SYNPO2: variants seen among roughly 807,000 people sequenced by gnomAD.
SYNPO2 encodes synaptopodin 2.
Under a neutral mutation model 85.0 loss-of-function variants are expected in SYNPO2, and 56 were observed. That is an observed-to-expected ratio of 0.66 (90% CI 0.53 to 0.82). The LOEUF is 0.82. SYNPO2 is among the 40% of genes least tolerant of loss of function. SYNPO2 has a pLI of 0.00. For synonymous variants in SYNPO2, 602 were observed against 591.1 expected (o/e 1.02, Z -0.27); for missense variants, 1,575 against 1,534.2 (o/e 1.03, Z -0.44).
In SYNPO2 at chr4:118,943,727, C is replaced by G. The variant is rs185341106; in HGVS notation, c.105+54586C>G. ...ATGAATAAGGAAAGTCATCCATACT[C>G]CCAATGCCATTTTCATAAAAATTGA... is the stretch of plus-strand genomic sequence containing the variant. On this transcript the variant is annotated intron_variant, in intron 1 of 4. Transcript: ENST00000307142. 1.7e-3 allele frequency among the ~76,000 whole-genome samples: 255 copies of G among 152,294 alleles called. 2 individuals carry two copies. The highest frequency in any genetic ancestry group is 5.8e-3 in the African/African-American group (240 of 41,540).
Position 119,030,557 on chromosome 4 carries a change from G to C in SYNPO2, c.1782G>C (p.Gly594=). 1 of 1,614,104 alleles carries C rather than the reference G, an allele frequency of 6.2e-7. No homozygotes were observed. Among genetic ancestry groups the C allele is most frequent in the Non-Finnish European group, 8.5e-7 (1 of 1,180,020 alleles). ...PMNRTAKPFP[G]SVNQPATPFS... is the part of the protein sequence containing the mutation. ...ATAGAACGGCCAAACCCTTCCCAGGGTCTGTGAATCAGCCAGCTACCCCCT... is the reference window on the plus strand; with the variant it reads ...ATAGAACGGCCAAACCCTTCCCAGGCTCTGTGAATCAGCCAGCTACCCCCT... Residue 594 remains glycine (G), a synonymous_variant, in exon 4 of 5, where the codon GGG becomes GGC. Coordinates refer to ENST00000307142, the MANE Select transcript of SYNPO2 (RefSeq NM_133477.3).
intron 1 of SYNPO2, among the ~76,000 whole-genome samples, chr4:118,856,826 T>C (rs1488812579): frequency 1.3e-5 from 2 of 152,182 alleles, no homozygotes; most frequent in East Asian, 3.8e-4. Flanking sequence ...TTAAAAATAG[T>C]GTTTCTTCTT....
At chr4:118,893,374 T>C (rs1732438187) in intron 1 of SYNPO2, among the ~76,000 whole-genome samples, 1 of 152,228 alleles carries the variant, frequency 6.6e-6, no homozygotes. Context: ...GCCCTTGCTA[T>C]GTGCCAGGAA....
intron 1 of SYNPO2, among the ~76,000 whole-genome samples, chr4:118,994,798 T>C (rs1736529652): frequency 6.6e-6 from 1 of 152,232 alleles, no homozygotes; most frequent in Non-Finnish European, 1.5e-5. Flanking sequence ...TCTTTGTTTC[T>C]AGTTTTTGGG....
chr4:118,934,152 G>T (rs1297521312), intron 1 of SYNPO2, among the ~76,000 whole-genome samples: 1 of 151,988 alleles, frequency 6.6e-6, no homozygotes, highest in Non-Finnish European at 1.5e-5. Flanking sequence ...CACATAATTG[G>T]ATAAGAATCA....
In SYNPO2 at chr4:119,035,152, G is replaced by A. The variant is rs184584519; in HGVS notation, c.3252+3125G>A. On this transcript the variant is annotated intron_variant, in intron 4 of 4. Transcript: ENST00000307142. Reference sequence around the variant, plus strand: ...CAGGCACTGGAATATAAATGAAAAAGGTCATTACAGTCACTGACTTTCTGC... The same window carrying A: ...CAGGCACTGGAATATAAATGAAAAAAGTCATTACAGTCACTGACTTTCTGC... 40 of 985,384 alleles carry A rather than the reference G, an allele frequency of 4.1e-5. No homozygotes were observed. In the East Asian group the frequency reaches 4.0e-3, roughly 98 times the overall value. The allele number at this position is 985,384 out of a possible 1,614,324, so 61.0% of individuals were successfully genotyped here. A position where few individuals can be genotyped will look rare whatever the true frequency, so the allele number is the denominator to read the frequency against.
At chr4:118,938,853 CTGTT>C (rs1233789103) in intron 1 of SYNPO2, among the ~76,000 whole-genome samples, 1 of 152,192 alleles carries the variant, frequency 6.6e-6, no homozygotes, top group East Asian at 1.9e-4. Context: ...ACAGAGCACT[CTGTT>C]TGGGCCTCTT....
chr4:118,912,494 T>C (rs1414338823), intron 1 of SYNPO2, among the ~76,000 whole-genome samples: 1 of 77,178 alleles, frequency 1.3e-5, no homozygotes, highest in African/African-American at 4.2e-5. Context: ...AGGAAAAAAT[T>C]GTTTAAAAAT....
rs1249286937 is a variant in SYNPO2, at chr4:119,023,541, A to G, written c.217A>G (p.Met73Val). Residue 73 changes from methionine (M) to valine (V), a missense_variant, in exon 2 of 5, where the codon ATG becomes GTG. Met to Val is a conservative substitution (Grantham distance 21). Coordinates refer to ENST00000307142, the MANE Select transcript of SYNPO2 (RefSeq NM_133477.3). Reference sequence around the variant, plus strand: ...CACCTACCCTGAAGTCATCAAGCTCATGGAAAGCATAACAGACTCTCTCCA... The same window carrying G: ...CACCTACCCTGAAGTCATCAAGCTCGTGGAAAGCATAACAGACTCTCTCCA... Reference protein sequence around the residue: ...DLTYPEVIKLMESITDSLQML... With the variant: ...DLTYPEVIKLVESITDSLQML... 6.2e-7 allele frequency: 1 copy of G among 1,613,706 alleles called. No individual in the cohort carries two copies. The highest frequency in any genetic ancestry group is 8.5e-7 in the Non-Finnish European group (1 of 1,179,806).
intron 1 of SYNPO2, among the ~76,000 whole-genome samples, chr4:118,945,868 C>G (rs1734481938): frequency 6.6e-6 from 1 of 152,080 alleles, no homozygotes; most frequent in South Asian, 2.1e-4. Flanking sequence ...GCCTCAGCCT[C>G]CCGAGTAGCT....
At chr4:118,995,572 T>C (rs2149170116) in intron 1 of SYNPO2, among the ~76,000 whole-genome samples, 1 of 152,346 alleles carries the variant, frequency 6.6e-6, no homozygotes, top group African/African-American at 2.4e-5. Context: ...ACTCAGGTTG[T>C]CTGATTCCAC....
intron 1 of SYNPO2, among the ~76,000 whole-genome samples, chr4:118,898,048 T>A (rs546561343): frequency 6.6e-6 from 1 of 152,350 alleles, no homozygotes. Flanking sequence ...TTCTGCTTTC[T>A]GAAGGATGAT....
Position 119,036,924 on chromosome 4 carries a change from C to T in SYNPO2, c.3252+4897C>T. ...AGGTTTGCCAGCCAATAAAGTGCAT[C>T]CCAAGTATACAGGGGAGAAAGCTAG... is the stretch of plus-strand genomic sequence containing the variant. On this transcript the variant is annotated intron_variant, in intron 4 of 4. Coordinates refer to ENST00000307142, the MANE Select transcript of SYNPO2 (RefSeq NM_133477.3). 2.5e-6 allele frequency: 3 copies of T among 1,198,678 alleles called. No homozygotes were observed. In the South Asian group the frequency reaches 1.2e-4, roughly 49 times the overall value. The allele number at this position is 1,198,678 out of a possible 1,614,324, so 74.3% of individuals were successfully genotyped here.
At chr4:119,044,158 T>G (rs900344223) in intron 4 of SYNPO2, among the ~76,000 whole-genome samples, 9 of 152,184 alleles carry the variant, frequency 5.9e-5, no homozygotes, top group African/African-American at 1.7e-4. Flanking sequence ...CTGCTTATTC[T>G]GAAGAAATGT....
At chr4:118,876,667 C>CTCTTTCTTTCTTTCTTTCTT (rs58409340) in intron 1 of SYNPO2, among the ~76,000 whole-genome samples, 1 of 112,092 alleles carries the variant, frequency 8.9e-6, no homozygotes, top group Admixed American at 9.9e-5. Flanking sequence ...TCCTTCCTTT[C>CTCTTTCTTTCTTTCTTTCTT]TCTTTCTTTC....
Position 118,985,344 on chromosome 4 carries a change from G to A in SYNPO2, c.106-38086G>A, listed in dbSNP as rs183595683. 2.8e-3 allele frequency among the ~76,000 whole-genome samples: 423 copies of A among 152,318 alleles called. 6 individuals carry two copies. Among genetic ancestry groups the A allele is most frequent in the African/African-American group, 9.3e-3 (385 of 41,578 alleles). Reference sequence around the variant, plus strand: ...TCGTGCTCCTGGAACATGATTTGCCGTCTGTCTCTCCTTTCAGAAGACAGC... The same window carrying A: ...TCGTGCTCCTGGAACATGATTTGCCATCTGTCTCTCCTTTCAGAAGACAGC... On this transcript the variant is annotated intron_variant, in intron 1 of 4. Coordinates refer to ENST00000307142, the MANE Select transcript of SYNPO2 (RefSeq NM_133477.3).
chr4:118,902,664 A>G (rs1732798611), intron 1 of SYNPO2, among the ~76,000 whole-genome samples: 1 of 152,222 alleles, frequency 6.6e-6, no homozygotes, highest in South Asian at 2.1e-4. Flanking sequence ...AATAATCACT[A>G]CAACCTCTTA....
intron 1 of SYNPO2, among the ~76,000 whole-genome samples, chr4:118,923,365 A>AGGAAACAAC (rs1337694022): frequency 2.6e-5 from 4 of 152,038 alleles, no homozygotes; most frequent in African/African-American, 9.7e-5. Context: ...AACACAAAGA[A>AGGAAACAAC]GGAAACAACA....
intron 1 of SYNPO2, among the ~76,000 whole-genome samples, chr4:118,902,903 A>G (rs1173899334): frequency 6.6e-6 from 1 of 152,140 alleles, no homozygotes; most frequent in African/African-American, 2.4e-5. Flanking sequence ...GTTTTGCTGT[A>G]TTTTCTAATG....
Sources: gnomAD v4.1 joint callset for allele counts (sites outside exome capture counted in the v4.1 genomes callset) on GRCh38, gnomAD v4.1.1 for gene constraint, MANE v1.5 for transcripts, NCBI Gene and HGNC (gene_info 2026-07-23, HGNC 2026-07-21) for gene names.